Variants in RIMS3 observed in about 807,000 individuals in gnomAD.
The protein encoded by RIMS3 is regulating synaptic membrane exocytosis 3, also known as regulating synaptic membrane exocytosis protein 3.
A neutral mutation model predicts 29.2 loss-of-function variants in RIMS3; 15 were observed. The observed-to-expected ratio is 0.51, with a 90% confidence interval of 0.34 to 0.79. RIMS3 has a LOEUF of 0.79. Ranked by LOEUF, RIMS3 falls within the 30% of genes least tolerant of loss-of-function variation. RIMS3 has a pLI of 0.01. For synonymous variants in RIMS3, 161 were observed against 170.1 expected (o/e 0.95, Z 0.41); for missense variants, 342 against 421.4 (o/e 0.81, Z 1.65).
At chr1:40,633,236 A>G (rs1646500878) in intron 4 of RIMS3, 55 bp from the exon 5 acceptor site, 1 of 1,408,482 alleles carries the variant, frequency 7.1e-7, no homozygotes, top group Admixed American at 1.7e-5. Flanking sequence ...TGAGGATGAA[A>G]GTATAGCTGG....
At chr1:40,643,692 T>C (rs1646575807) in intron 2 of RIMS3, among the ~76,000 whole-genome samples, 1 of 152,186 alleles carries the variant, frequency 6.6e-6, no homozygotes, top group Non-Finnish European at 1.5e-5. Flanking sequence ...TTGACCAGGC[T>C]GGTCTCAAAC....
At chr1:40,643,185 G>A (rs1011221064) in intron 2 of RIMS3, among the ~76,000 whole-genome samples, 1 of 151,698 alleles carries the variant, frequency 6.6e-6, no homozygotes, top group Admixed American at 6.6e-5. Context: ...TGTCACCCAG[G>A]CAGTGGCACA....
intron 1 of RIMS3, among the ~76,000 whole-genome samples, chr1:40,655,833 C>T (rs1364676462): frequency 6.6e-6 from 1 of 152,166 alleles, no homozygotes; most frequent in Admixed American, 6.5e-5. Context: ...GGTCAAACCC[C>T]GTCTGGATGG....
At chr1:40,633,692 T>C (rs532332744) in intron 4 of RIMS3, among the ~76,000 whole-genome samples, 1 of 152,248 alleles carries the variant, frequency 6.6e-6, no homozygotes, top group Non-Finnish European at 1.5e-5. Context: ...CAAGTGATGG[T>C]GGTTGGTGGT....
At position 40,627,205 on chromosome 1, in the gene RIMS3, C is replaced by T. The variant is rs551333499; in HGVS notation, c.715-476G>A. On this transcript the variant is annotated intron_variant, in intron 7 of 7. Transcript: ENST00000372684. ...GACTTGTGTAAGCTCCATGCCCTCA[C>T]TGGACCTCAGTGTTTCCAGCCACAC... 3.3e-5 allele frequency among the ~76,000 whole-genome samples: 5 copies of T among 152,312 alleles called. No homozygotes were observed. The South Asian group carries it at 1.0e-3, about 32-fold the overall frequency.
At chr1:40,649,514 C>T (rs1335156164) in intron 1 of RIMS3, among the ~76,000 whole-genome samples, 2 of 152,210 alleles carry the variant, frequency 1.3e-5, no homozygotes, top group African/African-American at 2.4e-5. Flanking sequence ...TACCCTGAGC[C>T]GTGGGCTCCC....
intron 2 of RIMS3, 141 bp from the exon 3 acceptor site, chr1:40,642,097 CA>C (rs60659564): frequency 0.29 from 175,061 of 612,096 alleles, 27,182 homozygotes; most frequent in Middle Eastern, 0.35. Flanking sequence ...AAACAAATGT[CA>C]AGAGCATGCA....
At chr1:40,670,051 A>T (rs1411648249), upstream of RIMS3, among the ~76,000 whole-genome samples, 1 of 152,102 alleles carries the variant, frequency 6.6e-6, no homozygotes, top group Admixed American at 6.6e-5. Context: ...TCCTGAATTC[A>T]GCTGCTGTTG....
At chr1:40,689,245 A>G in the RIMS3 span, among the ~76,000 whole-genome samples, 5 of 152,198 alleles carry the variant, frequency 3.3e-5, no homozygotes, top group Non-Finnish European at 7.4e-5. Flanking sequence ...ATTGTAAGAT[A>G]GCTCATAAAT....
upstream of RIMS3, among the ~76,000 whole-genome samples, chr1:40,668,539 C>A: frequency 6.7e-6 from 1 of 148,432 alleles, no homozygotes; most frequent in African/African-American, 2.5e-5. Context: ...GAATAACCAG[C>A]AAGTCTTTTG....
upstream of RIMS3, chr1:40,665,747 G>T: frequency 6.5e-6 from 1 of 153,002 alleles, no homozygotes; most frequent in South Asian, 1.8e-4. Flanking sequence ...CCGCGTGGAT[G>T]GGCGGGGCCA....
At chr1:40,631,063 TG>T (rs1172423168) in intron 5 of RIMS3, among the ~76,000 whole-genome samples, 21 of 152,178 alleles carry the variant, frequency 1.4e-4, no homozygotes, top group Admixed American at 2.0e-4. Context: ...CTTCCTCATT[TG>T]CTGGGAGGGT....
At chr1:40,678,751 C>T in the RIMS3 span, among the ~76,000 whole-genome samples, 1 of 152,240 alleles carries the variant, frequency 6.6e-6, no homozygotes, top group African/African-American at 2.4e-5. Context: ...GCGGGCAGCT[C>T]TTATGGTACC....
At position 40,625,998 on chromosome 1, in the gene RIMS3, G is replaced by A. The variant is rs1646450985; in HGVS notation, c.*519C>T. 1 of 177,026 alleles carries A rather than the reference G, an allele frequency of 5.6e-6. No individual in the cohort carries two copies. The highest frequency in any genetic ancestry group is 1.3e-4 in the South Asian group (1 of 7,600). The allele number at this position is 177,026 out of a possible 1,614,324, so 11.0% of individuals were successfully genotyped here. ...GCCCTCAGTGTGGCCAGCTGCAGCG[G>A]ATGCTACATTTCTCAGAAAACAGTG... On this transcript the variant is annotated 3_prime_UTR_variant, in exon 8 of 8. Transcript: ENST00000372684.
chr1:40,659,932 T>G (rs941455153), intron 1 of RIMS3, among the ~76,000 whole-genome samples: 1 of 152,160 alleles, frequency 6.6e-6, no homozygotes, highest in Admixed American at 6.5e-5. Context: ...CAAGAAGGCT[T>G]GGAAGGGTCC....
chr1:40,678,652 G>A, the RIMS3 span, among the ~76,000 whole-genome samples: 1 of 152,206 alleles, frequency 6.6e-6, no homozygotes, highest in Non-Finnish European at 1.5e-5. Flanking sequence ...CTGGGGACAG[G>A]TGAGGAAGCA....
chr1:40,675,883 G>A, the RIMS3 span, among the ~76,000 whole-genome samples: 2 of 151,924 alleles, frequency 1.3e-5, no homozygotes, highest in African/African-American at 2.4e-5. Context: ...AGTGATGATC[G>A]TGGCACTGTA....
intron 2 of RIMS3, among the ~76,000 whole-genome samples, chr1:40,645,198 T>A (rs1457865526): frequency 6.6e-6 from 1 of 152,196 alleles, no homozygotes; most frequent in African/African-American, 2.4e-5. Flanking sequence ...GAGTTTCCAA[T>A]TCTAGTGCCA....
At chr1:40,634,318 C>G (rs1397168287) in intron 4 of RIMS3, among the ~76,000 whole-genome samples, 1 of 152,202 alleles carries the variant, frequency 6.6e-6, no homozygotes, top group South Asian at 2.1e-4. Context: ...CTAGGCCCAG[C>G]CTCCACCCCA....
Sources: gnomAD v4.1 joint callset for allele counts (sites outside exome capture counted in the v4.1 genomes callset) on GRCh38, gnomAD v4.1.1 for gene constraint, MANE v1.5 for transcripts, NCBI Gene and HGNC (gene_info 2026-07-23, HGNC 2026-07-21) for gene names.